Variants in SGCZ observed in about 807,000 individuals in gnomAD.
The protein encoded by SGCZ is zeta-sarcoglycan.
A neutral mutation model predicts 41.3 loss-of-function variants in SGCZ; 40 were observed. That is an observed-to-expected ratio of 0.97 (90% CI 0.75 to 1.26). SGCZ has a LOEUF of 1.26. Among genes scored for constraint, SGCZ ranks in the 50% most tolerant of loss-of-function variants. The probability of loss-of-function intolerance (pLI) is 0.00; values close to 1 mark genes in which losing one functional copy is unlikely to be tolerated. For synonymous variants in SGCZ, 206 were observed against 137.5 expected (o/e 1.50, Z -3.49); for missense variants, 552 against 369.8 (o/e 1.49, Z -4.04).
intron 1 of SGCZ, among the ~76,000 whole-genome samples, chr8:15,168,266 G>C (rs1799722987): frequency 6.6e-6 from 1 of 152,200 alleles, no homozygotes; most frequent in Admixed American, 6.5e-5. Context: ...GAGCTTAAAA[G>C]GCACAGCGCA....
intron 5 of SGCZ, among the ~76,000 whole-genome samples, chr8:14,151,894 C>G (rs1803720882): frequency 6.6e-6 from 1 of 151,624 alleles, no homozygotes; most frequent in Admixed American, 6.6e-5. Context: ...CAGAAAAAAG[C>G]AAAAAGATTG....
intron 2 of SGCZ, among the ~76,000 whole-genome samples, chr8:14,366,763 A>G (rs528313989): frequency 1.3e-5 from 2 of 152,276 alleles, no homozygotes; most frequent in East Asian, 3.9e-4. Flanking sequence ...AAGACAAGGC[A>G]AGTCCCTTCT....
intron 1 of SGCZ, among the ~76,000 whole-genome samples, chr8:15,002,660 T>C (rs138149401): frequency 1.3e-5 from 2 of 152,206 alleles, no homozygotes; most frequent in African/African-American, 4.8e-5. Context: ...CTCAAGCTTT[T>C]TGGGGGGAAA....
At chr8:14,345,129 G>A (rs971544128) in intron 2 of SGCZ, among the ~76,000 whole-genome samples, 2 of 152,000 alleles carry the variant, frequency 1.3e-5, no homozygotes, top group African/African-American at 2.4e-5. Context: ...GAACTGAAAT[G>A]GAAACTTCAT....
intron 1 of SGCZ, among the ~76,000 whole-genome samples, chr8:14,790,080 A>G (rs2130465092): frequency 6.6e-6 from 1 of 152,278 alleles, no homozygotes; most frequent in African/African-American, 2.4e-5. Context: ...AATACTGTCA[A>G]TTTATTTACA....
chr8:14,626,250 C>T (rs1480332934), intron 1 of SGCZ, among the ~76,000 whole-genome samples: 2 of 152,012 alleles, frequency 1.3e-5, no homozygotes, highest in East Asian at 1.9e-4. Context: ...GCTACCAACC[C>T]ACCACCTAGG....
chr8:14,255,348 T>A (rs185882731), intron 3 of SGCZ, among the ~76,000 whole-genome samples: 2 of 152,162 alleles, frequency 1.3e-5, no homozygotes, highest in Non-Finnish European at 2.9e-5. Context: ...CTCCTGCTCA[T>A]TCGAAGATGT....
intron 1 of SGCZ, among the ~76,000 whole-genome samples, chr8:15,076,259 A>G (rs1805527012): frequency 6.6e-6 from 1 of 152,190 alleles, no homozygotes; most frequent in Non-Finnish European, 1.5e-5. Flanking sequence ...GAGGATTATT[A>G]TAACAAAGAG....
intron 1 of SGCZ, among the ~76,000 whole-genome samples, chr8:14,777,127 G>C (rs1800428489): frequency 6.6e-6 from 1 of 152,122 alleles, no homozygotes; most frequent in Admixed American, 6.5e-5. Flanking sequence ...CTTAAATTTA[G>C]TAAATGCTCA....
intron 1 of SGCZ, among the ~76,000 whole-genome samples, chr8:14,895,015 G>C (rs1215919729): frequency 6.6e-6 from 1 of 152,120 alleles, no homozygotes; most frequent in Non-Finnish European, 1.5e-5. Context: ...TGGGGGTCCA[G>C]GGTAATAATA....
At chr8:15,008,479 A>G (rs1802687234) in intron 1 of SGCZ, among the ~76,000 whole-genome samples, 1 of 147,058 alleles carries the variant, frequency 6.8e-6, no homozygotes, top group African/African-American at 2.5e-5. Flanking sequence ...CAACTGTGGA[A>G]TGAAAAAATA....
At chr8:14,929,599 C>T (rs1255031015) in intron 1 of SGCZ, among the ~76,000 whole-genome samples, 1 of 151,700 alleles carries the variant, frequency 6.6e-6, no homozygotes, top group Non-Finnish European at 1.5e-5. Flanking sequence ...CTGAGCCTCC[C>T]AAAGAAGGAA....
chr8:14,940,803 G>A (rs1012596136), intron 1 of SGCZ, among the ~76,000 whole-genome samples: 1 of 151,966 alleles, frequency 6.6e-6, no homozygotes, highest in Non-Finnish European at 1.5e-5. Flanking sequence ...TTTAAATGAA[G>A]TCAGAAGTGA....
chr8:14,317,243 T>A (rs938942175), intron 3 of SGCZ, among the ~76,000 whole-genome samples: 3 of 152,048 alleles, frequency 2.0e-5, no homozygotes, highest in Admixed American at 6.6e-5. Context: ...TAAGGTTATA[T>A]TGCTTTTATC....
At chr8:14,159,044 C>T (rs945559701) in intron 5 of SGCZ, among the ~76,000 whole-genome samples, 1 of 152,196 alleles carries the variant, frequency 6.6e-6, no homozygotes, top group Admixed American at 6.5e-5. Flanking sequence ...GCTGGGATTA[C>T]AGGCATGAGC....
In SGCZ at chr8:14,342,218, C is replaced by T. The variant is rs186546631; in HGVS notation, c.235-18014G>A. Reference sequence around the variant, plus strand: ...ACTGGAGCAAAGCTGACTCTTGTTACGTTTTAGCAAAGGGATTGGCAGCAT... The same window carrying T: ...ACTGGAGCAAAGCTGACTCTTGTTATGTTTTAGCAAAGGGATTGGCAGCAT... On this transcript the variant is annotated intron_variant, in intron 2 of 7. Coordinates refer to ENST00000382080, the MANE Select transcript of SGCZ (RefSeq NM_139167.4). Among the ~76,000 whole-genome samples the T allele has an allele frequency of 1.0e-3, 158 of 152,248 alleles. 1 individual carries two copies. Among genetic ancestry groups the T allele is most frequent in the African/African-American group, 3.5e-3 (146 of 41,550 alleles).
At chr8:14,744,604 T>C (rs555985125) in intron 1 of SGCZ, among the ~76,000 whole-genome samples, 1 of 152,228 alleles carries the variant, frequency 6.6e-6, no homozygotes, top group African/African-American at 2.4e-5. Context: ...CACGTAGAGG[T>C]GTAGTTCATT....
At chr8:14,140,635 G>A (rs1309603595) in intron 5 of SGCZ, among the ~76,000 whole-genome samples, 3 of 152,068 alleles carry the variant, frequency 2.0e-5, no homozygotes, top group Admixed American at 1.3e-4. Flanking sequence ...ACCTCTTCAA[G>A]GAGAACTACA....
Position 15,071,981 on chromosome 8 carries a change from G to A in SGCZ, c.39+165604C>T, listed in dbSNP as rs926016677. 3.3e-5 allele frequency among the ~76,000 whole-genome samples: 5 copies of A among 152,190 alleles called. No individual in the cohort carries two copies. In the East Asian group the frequency reaches 9.7e-4, roughly 30 times the overall value. On this transcript the variant is annotated intron_variant, in intron 1 of 7. Transcript: ENST00000382080. Reference sequence around the variant, plus strand: ...CTGGGACAGCCTCATGACTGGGAACGACTTGCACCCAGCTCCACGGATCTC... The same window carrying A: ...CTGGGACAGCCTCATGACTGGGAACAACTTGCACCCAGCTCCACGGATCTC...
Sources: allele counts gnomAD v4.1 joint callset (sites outside exome capture counted in the v4.1 genomes callset), GRCh38; gene constraint gnomAD v4.1.1; transcripts MANE v1.5; gene names NCBI Gene and HGNC (gene_info 2026-07-23, HGNC 2026-07-21).